LRRC4C: variants seen among roughly 807,000 people sequenced by gnomAD.
LRRC4C encodes leucine-rich repeat-containing protein 4C.
Under a neutral mutation model 33.6 loss-of-function variants are expected in LRRC4C, and 5 were observed. That is an observed-to-expected ratio of 0.15 (90% CI 0.08 to 0.31). LRRC4C has a LOEUF of 0.31. Ranked by LOEUF, LRRC4C falls within the 10% of genes least tolerant of loss-of-function variation. The pLI, the probability that LRRC4C is intolerant of heterozygous loss-of-function variation, is 1.00. For synonymous variants in LRRC4C, 329 were observed against 302.0 expected, an observed-to-expected ratio of 1.09 and a Z score of -0.93; for missense variants, 560 against 796.7, an observed-to-expected ratio of 0.70 and a Z score of 3.58.
intron 2 of LRRC4C, among the ~76,000 whole-genome samples, chr11:40,812,655 TGATAA>T (rs1223654546): frequency 6.6e-5 from 10 of 152,270 alleles, no homozygotes; most frequent in African/African-American, 2.2e-4. Context: ...AATGAAAATG[TGATAA>T]GATATCATAT....
intron 1 of LRRC4C, among the ~76,000 whole-genome samples, chr11:41,391,480 T>C (rs1367257362): frequency 6.6e-6 from 1 of 151,884 alleles, no homozygotes; most frequent in Non-Finnish European, 1.5e-5. Context: ...AAATGAGTAA[T>C]TCTACAAATA....
intron 5 of LRRC4C, among the ~76,000 whole-genome samples, chr11:40,237,632 C>G (rs920691749): frequency 6.6e-6 from 1 of 152,170 alleles, no homozygotes; most frequent in Non-Finnish European, 1.5e-5. Flanking sequence ...TTCATTCTAT[C>G]TTCCTCCATA....
intron 3 of LRRC4C, among the ~76,000 whole-genome samples, chr11:40,560,713 C>T (rs1199791177): frequency 1.3e-5 from 2 of 152,178 alleles, no homozygotes; most frequent in African/African-American, 4.8e-5. Flanking sequence ...TGATATCATT[C>T]ATTCTGAAAG....
intron 1 of LRRC4C, among the ~76,000 whole-genome samples, chr11:41,261,924 C>T (rs891435964): frequency 6.6e-6 from 1 of 151,984 alleles, no homozygotes. Flanking sequence ...TAAAAGTGTG[C>T]ATGTCCAGGA....
intron 1 of LRRC4C, among the ~76,000 whole-genome samples, chr11:41,074,508 T>G (rs1375752767): frequency 2.0e-5 from 3 of 152,232 alleles, no homozygotes; most frequent in Non-Finnish European, 2.9e-5. Context: ...GATTCTTTTC[T>G]TAAATAAACA....
intron 6 of LRRC4C, among the ~76,000 whole-genome samples, chr11:40,136,092 T>C (rs1253161897): frequency 6.6e-6 from 1 of 152,182 alleles, no homozygotes; most frequent in East Asian, 1.9e-4. Flanking sequence ...AAGTAAAGTT[T>C]TGTTAGTAGA....
chr11:40,842,079 TA>T (rs1271437652), intron 2 of LRRC4C, among the ~76,000 whole-genome samples: 1 of 152,234 alleles, frequency 6.6e-6, no homozygotes, highest in African/African-American at 2.4e-5. Flanking sequence ...ACAATTTCCT[TA>T]TGCTTCACAG....
At chr11:40,310,519 T>C (rs1048369495) in intron 4 of LRRC4C, among the ~76,000 whole-genome samples, 2 of 152,194 alleles carry the variant, frequency 1.3e-5, no homozygotes, top group East Asian at 1.9e-4. Flanking sequence ...TAATCGTGCA[T>C]CAATCGGCAC....
chr11:41,016,439 G>C (rs1016118915), intron 1 of LRRC4C, among the ~76,000 whole-genome samples: 2 of 152,166 alleles, frequency 1.3e-5, no homozygotes, highest in African/African-American at 4.8e-5. Context: ...GAGTAAAACA[G>C]ATAAGGAAGA....
At chr11:40,161,138 A>T (rs1449888050) in intron 5 of LRRC4C, among the ~76,000 whole-genome samples, 1 of 152,202 alleles carries the variant, frequency 6.6e-6, no homozygotes, top group Non-Finnish European at 1.5e-5. Flanking sequence ...GGAGAAAAAA[A>T]TGAAATCTCT....
At chr11:40,401,098 T>A (rs1949740314) in intron 3 of LRRC4C, among the ~76,000 whole-genome samples, 1 of 152,250 alleles carries the variant, frequency 6.6e-6, no homozygotes, top group East Asian at 1.9e-4. Context: ...GAGTCTGTAC[T>A]GTCTTTTTAA....
rs143987508 is a variant in LRRC4C at position 41,377,839 on chromosome 11, CT to C, written c.-496+81591del. On this transcript the variant is annotated intron_variant, in intron 1 of 6. Coordinates refer to ENST00000528697, the MANE Select transcript of LRRC4C (RefSeq NM_001258419.2). ...CTCAGTCCCTTTACTGTAACAGTGA[CT>C]TTCCAGCAGCTTTCCAGCTTTTTCT... is the stretch of plus-strand genomic sequence containing the variant. 6.3e-3 allele frequency among the ~76,000 whole-genome samples: 956 copies of C among 152,276 alleles called. 7 individuals carry two copies. The highest frequency in any genetic ancestry group is 0.021 in the African/African-American group (883 of 41,566).
At chr11:41,189,477 C>A (rs1376255781) in intron 1 of LRRC4C, among the ~76,000 whole-genome samples, 1 of 152,038 alleles carries the variant, frequency 6.6e-6, no homozygotes, top group Non-Finnish European at 1.5e-5. Flanking sequence ...TAGTGTCTGC[C>A]ACAGTGATAA....
At chr11:41,394,287 G>A (rs1406052392) in intron 1 of LRRC4C, among the ~76,000 whole-genome samples, 1 of 151,876 alleles carries the variant, frequency 6.6e-6, no homozygotes, top group African/African-American at 2.4e-5. Context: ...TCTACAAAAT[G>A]GACTCTTCCA....
At chr11:40,900,320 T>C (rs1419030744) in intron 2 of LRRC4C, among the ~76,000 whole-genome samples, 1 of 152,122 alleles carries the variant, frequency 6.6e-6, no homozygotes, top group Non-Finnish European at 1.5e-5. Flanking sequence ...TCTTAATTTA[T>C]GGAATAAGAT....
intron 1 of LRRC4C, among the ~76,000 whole-genome samples, chr11:41,156,105 G>T (rs76754777): frequency 6.6e-6 from 1 of 151,952 alleles, no homozygotes; most frequent in Admixed American, 6.6e-5. Context: ...ACCCATCTAC[G>T]CAAAGCAAAA....
Position 40,833,857 on chromosome 11 carries a change from C to T in LRRC4C, c.-407+99778G>A, listed in dbSNP as rs181977207. 5.3e-5 allele frequency among the ~76,000 whole-genome samples: 8 copies of T among 152,052 alleles called. No individual in the cohort carries two copies. In the East Asian group the frequency reaches 5.8e-4, roughly 11 times the overall value. On this transcript the variant is annotated intron_variant, in intron 2 of 6. Transcript: ENST00000528697. ...ATATTAATTTTAAAAAACTGAGAAC[C>T]GGCTGTTCTGCGGATACACAGAATC...
intron 1 of LRRC4C, among the ~76,000 whole-genome samples, chr11:41,085,526 ATCACGTAGTGTTG>A (rs1939905197): frequency 2.0e-5 from 3 of 152,106 alleles, no homozygotes; most frequent in African/African-American, 7.2e-5. Flanking sequence ...TAATATAACT[ATCACGTAGTGTTG>A]TTAGGAGGAT....
At chr11:40,997,388 A>G (rs1565284970) in intron 1 of LRRC4C, among the ~76,000 whole-genome samples, 1 of 152,144 alleles carries the variant, frequency 6.6e-6, no homozygotes, top group Non-Finnish European at 1.5e-5. Flanking sequence ...TGAGTTAGAG[A>G]GTAGCCAAAG....
Sources: gnomAD v4.1 joint callset for allele counts (sites outside exome capture counted in the v4.1 genomes callset) on GRCh38, gnomAD v4.1.1 for gene constraint, MANE v1.5 for transcripts, NCBI Gene and HGNC (gene_info 2026-07-23, HGNC 2026-07-21) for gene names.